Variants in NCOA7 observed in about 807,000 individuals in gnomAD.
NCOA7 encodes nuclear receptor coactivator 7.
In NCOA7, 45 loss-of-function variants were observed where a neutral mutation model predicts 104.3. That is an observed-to-expected ratio of 0.43 (90% confidence interval 0.34 to 0.55). The LOEUF is 0.55. Ranked by LOEUF, NCOA7 falls within the 20% of genes least tolerant of loss-of-function variation. The pLI, the probability that NCOA7 is intolerant of heterozygous loss-of-function variation, is 0.02. For missense variants in NCOA7, 1,041 were observed against 1,119.7 expected, an observed-to-expected ratio of 0.93 and a Z score of 1.00; for synonymous variants, 398 against 402.3, an observed-to-expected ratio of 0.99 and a Z score of 0.13.
intron 1 of NCOA7, among the ~76,000 whole-genome samples, chr6:125,791,714 G>A (rs1354799769): frequency 6.6e-6 from 1 of 152,096 alleles, no homozygotes; most frequent in Non-Finnish European, 1.5e-5. Flanking sequence ...TTTTAAGAGT[G>A]GCAACTTTGA....
At chr6:125,875,126 A>G (rs1293838479) in intron 4 of NCOA7, 158 bp downstream of exon 4, 8 of 521,068 alleles carry the variant, frequency 1.5e-5, no homozygotes, top group South Asian at 9.7e-5. Flanking sequence ...TTTTTCCTCC[A>G]TATTTTCTCC....
intron 4 of NCOA7, among the ~76,000 whole-genome samples, chr6:125,875,868 A>G (rs1301556099): frequency 6.6e-6 from 1 of 152,098 alleles, no homozygotes; most frequent in East Asian, 1.9e-4. Flanking sequence ...GTAGATGAAC[A>G]ATGCTAGGTG....
intron 11 of NCOA7, among the ~76,000 whole-genome samples, chr6:125,916,051 A>G (rs1430261372): frequency 6.6e-6 from 1 of 152,146 alleles, no homozygotes; most frequent in Non-Finnish European, 1.5e-5. Flanking sequence ...CCCCATGCAA[A>G]TCATATCATA....
intron 2 of NCOA7, among the ~76,000 whole-genome samples, chr6:125,822,963 AC>A (rs1778325445): frequency 6.7e-6 from 1 of 148,732 alleles, no homozygotes; most frequent in South Asian, 2.2e-4. Context: ...ACAAAAAAAA[AC>A]ATGCTGTTAG....
chr6:125,881,916 C>T (rs1037725466), intron 6 of NCOA7, among the ~76,000 whole-genome samples: 16 of 152,208 alleles, frequency 1.1e-4, no homozygotes, highest in African/African-American at 2.4e-4. Context: ...TGCAATGGCA[C>T]GATCTTCGCT....
At chr6:125,865,317 C>T (rs1782357459) in intron 3 of NCOA7, among the ~76,000 whole-genome samples, 1 of 137,822 alleles carries the variant, frequency 7.3e-6, no homozygotes, top group Non-Finnish European at 1.5e-5. Context: ...CTTCCCTGTG[C>T]TTTAAGCCTT....
chr6:125,919,528 A>T (rs897149904), intron 11 of NCOA7: 3 of 1,218,110 alleles, frequency 2.5e-6, no homozygotes, highest in African/African-American at 1.5e-5. Context: ...ATTAGAAAGG[A>T]TTGTGCTGAC....
upstream of NCOA7, among the ~76,000 whole-genome samples, chr6:125,787,388 C>T (rs997469602): frequency 6.6e-6 from 1 of 152,172 alleles, no homozygotes; most frequent in Non-Finnish European, 1.5e-5. Flanking sequence ...TTTCTCTAAG[C>T]CCGCCTACCT....
chr6:125,878,246 C>A lies in NCOA7; in HGVS notation c.352-17C>A, dbSNP rs1433390785. ...TTTTGCTTTATTTATTGACTCTTAC[C>A]TGTTTGATTATTCTAGGCTGGAAAC... On this transcript the variant is annotated splice_polypyrimidine_tract_variant and intron_variant, in intron 4 of 15. Transcript: ENST00000392477. The A allele has an allele frequency of 1.3e-6, 2 of 1,573,814 alleles. No homozygotes were observed. The highest frequency in any genetic ancestry group is 1.7e-6 in the Non-Finnish European group (2 of 1,155,756).
chr6:125,829,921 T>G lies in NCOA7; in HGVS notation c.50+14517T>G, dbSNP rs143784681. On this transcript the variant is annotated intron_variant, in intron 2 of 15. Transcript: ENST00000392477. ...CTTAACCTCCTTAATACAGGCATCA[T>G]GCCTAATTTCAGAATTATAAAATCT... 3.5e-3 allele frequency among the ~76,000 whole-genome samples: 539 copies of G among 152,348 alleles called. 3 individuals carry two copies. Among genetic ancestry groups the G allele is most frequent in the African/African-American group, 0.012 (513 of 41,586 alleles).
chr6:125,827,840 A>G (rs968101104), intron 2 of NCOA7, among the ~76,000 whole-genome samples: 7 of 152,252 alleles, frequency 4.6e-5, no homozygotes, highest in African/African-American at 1.7e-4. Flanking sequence ...GTTAAGAGGT[A>G]GGCTGAGGCA....
intron 2 of NCOA7, among the ~76,000 whole-genome samples, chr6:125,845,106 G>T (rs1424352454): frequency 6.6e-6 from 1 of 152,178 alleles, no homozygotes; most frequent in Admixed American, 6.6e-5. Context: ...CAAAGACTGA[G>T]CTCGTTCCAT....
chr6:125,864,022 G>C (rs989663258), intron 3 of NCOA7, among the ~76,000 whole-genome samples: 1 of 110,306 alleles, frequency 9.1e-6, no homozygotes, highest in Non-Finnish European at 2.0e-5. Context: ...AGGTTTTTTT[G>C]GGGGGGGCAG....
intron 1 of NCOA7, among the ~76,000 whole-genome samples, chr6:125,792,770 A>G (rs1390595971): frequency 6.7e-6 from 1 of 148,846 alleles, no homozygotes; most frequent in Non-Finnish European, 1.5e-5. Context: ...AAAATGTTAT[A>G]TCATTTTGAA....
chr6:125,839,705 C>T (rs1043794750), intron 2 of NCOA7, among the ~76,000 whole-genome samples: 1 of 152,038 alleles, frequency 6.6e-6, no homozygotes, highest in Non-Finnish European at 1.5e-5. Context: ...AGCCACTGGC[C>T]TCATTTATGA....
At chr6:125,826,575 G>T (rs1293906418) in intron 2 of NCOA7, among the ~76,000 whole-genome samples, 1 of 152,002 alleles carries the variant, frequency 6.6e-6, no homozygotes, top group African/African-American at 2.4e-5. Flanking sequence ...AAGAATTTAG[G>T]TAATATTCTT....
At chr6:125,831,017 G>A (rs1779144602) in intron 2 of NCOA7, among the ~76,000 whole-genome samples, 2 of 152,032 alleles carry the variant, frequency 1.3e-5, no homozygotes, top group African/African-American at 4.8e-5. Flanking sequence ...AACTTGAATA[G>A]CATGTGTTAT....
At chr6:125,906,602 G>A (rs969840016) in intron 10 of NCOA7, among the ~76,000 whole-genome samples, 1 of 152,186 alleles carries the variant, frequency 6.6e-6, no homozygotes, top group African/African-American at 2.4e-5. Flanking sequence ...CCTCTAGGGG[G>A]CACTGGTGAG....
In NCOA7 at chr6:125,852,336, C is replaced by T. The variant is rs572691152; in HGVS notation, c.51-2684C>T. ...TCAGCCTCCTGAGTAGCTGGGACTA[C>T]AGGCACGTGCCACCATGTCTGGCTA... On this transcript the variant is annotated intron_variant, in intron 2 of 15. Coordinates refer to ENST00000392477, the MANE Select transcript of NCOA7 (RefSeq NM_181782.5). Among the ~76,000 whole-genome samples the T allele has an allele frequency of 2.6e-5, 4 of 152,204 alleles. No homozygotes were observed. In the East Asian group the frequency reaches 7.7e-4, roughly 29 times the overall value.
Sources: allele counts gnomAD v4.1 joint callset (sites outside exome capture counted in the v4.1 genomes callset), GRCh38; gene constraint gnomAD v4.1.1; transcripts MANE v1.5; gene names NCBI Gene and HGNC (gene_info 2026-07-23, HGNC 2026-07-21).